ADAMTS16: variants seen among roughly 807,000 people sequenced by gnomAD.
ADAMTS16 encodes ADAM metallopeptidase with thrombospondin type 1 motif 16.
ADAMTS16 carries 94 observed loss-of-function variants against 145.8 expected under a neutral mutation model. The observed-to-expected ratio is 0.64, with a 90% CI of 0.55 to 0.77. The LOEUF is 0.77. Ranked by LOEUF, ADAMTS16 falls within the 30% of genes least tolerant of loss-of-function variation. ADAMTS16 has a pLI of 0.00. For synonymous variants in ADAMTS16, 659 were observed against 604.3 expected (o/e 1.09, Z -1.33); for missense variants, 1,585 against 1,591.5 (o/e 1.00, Z 0.07).
chr5:5,244,371 T>C (rs1223022310), intron 17 of ADAMTS16, among the ~76,000 whole-genome samples: 2 of 152,224 alleles, frequency 1.3e-5, no homozygotes, highest in Non-Finnish European at 2.9e-5. Context: ...TGCCATGTAT[T>C]GAGCACCTAC....
chr5:5,290,808 T>G (rs1231607998), intron 18 of ADAMTS16, among the ~76,000 whole-genome samples: 1 of 152,216 alleles, frequency 6.6e-6, no homozygotes, highest in Non-Finnish European at 1.5e-5. Context: ...AGTCTTTTCT[T>G]TCCCCTTGTA....
At chr5:5,231,433 C>CT (rs11317676) in intron 11 of ADAMTS16, among the ~76,000 whole-genome samples, 4,779 of 148,378 alleles carry the variant, frequency 0.032, 225 homozygotes, top group African/African-American at 0.1. Context: ...TGAAAGTAGC[C>CT]TTTTTTTTTT....
At chr5:5,270,305 T>G (rs1738414093) in intron 18 of ADAMTS16, among the ~76,000 whole-genome samples, 1 of 152,162 alleles carries the variant, frequency 6.6e-6, no homozygotes, top group Non-Finnish European at 1.5e-5. Flanking sequence ...CTGGTTGCCA[T>G]GGGTTATGTC....
chr5:5,262,998 A>G (rs765403783), intron 18 of ADAMTS16, among the ~76,000 whole-genome samples: 7 of 152,234 alleles, frequency 4.6e-5, no homozygotes, highest in Admixed American at 6.5e-5. Context: ...GTAAGTGGAC[A>G]TTCTTAGAAT....
chr5:5,311,454 G>A (rs529226167), intron 21 of ADAMTS16, among the ~76,000 whole-genome samples: 2 of 151,860 alleles, frequency 1.3e-5, no homozygotes, highest in African/African-American at 2.4e-5. Context: ...AAACCAGCTC[G>A]AAATCCCCTC....
intron 14 of ADAMTS16, 128 bp from the exon 15 acceptor site, chr5:5,239,023 G>C: frequency 9.5e-7 from 1 of 1,047,620 alleles, no homozygotes; most frequent in Non-Finnish European, 1.3e-6. Flanking sequence ...ATAAATATTT[G>C]TTAACTACCC....
chr5:5,238,724 A>G (rs1386867221), intron 14 of ADAMTS16, among the ~76,000 whole-genome samples: 1 of 152,222 alleles, frequency 6.6e-6, no homozygotes, highest in African/African-American at 2.4e-5. Context: ...ACTACTGAGG[A>G]GAATTTCTGT....
At position 5,266,027 on chromosome 5, in the gene ADAMTS16, T is replaced by TGA. The variant is rs1553995979; in HGVS notation, c.2789+3245_2789+3246dup. Among the ~76,000 whole-genome samples, 432 of 142,504 alleles carry TGA rather than the reference T, an allele frequency of 3.0e-3. 1 individual carries two copies. Among genetic ancestry groups the TGA allele is most frequent in the African/African-American group, 0.01 (402 of 39,168 alleles). The allele number at this position is 142,504 out of a possible 152,430, so 93.5% of individuals were successfully genotyped here. The stretch of plus-strand genomic sequence containing the variant: ...GTGTGTGTGTGTGTGTGTGTGTGTG[T>TGA]GACTTTCACATGCAGGAGGGACTAG... On this transcript the variant is annotated intron_variant, in intron 18 of 22. Coordinates refer to ENST00000274181, the MANE Select transcript of ADAMTS16 (RefSeq NM_139056.4).
intron 21 of ADAMTS16, among the ~76,000 whole-genome samples, chr5:5,313,224 G>A (rs965398091): frequency 6.6e-6 from 1 of 152,124 alleles, no homozygotes; most frequent in African/African-American, 2.4e-5. Flanking sequence ...GTTTACCATA[G>A]CACTTGTGCC....
chr5:5,311,953 G>A (rs1740467389), intron 21 of ADAMTS16, among the ~76,000 whole-genome samples: 1 of 152,060 alleles, frequency 6.6e-6, no homozygotes. Context: ...TCCTGACCTT[G>A]TAATCCACTC....
intron 21 of ADAMTS16, among the ~76,000 whole-genome samples, chr5:5,315,349 C>G (rs1734010432): frequency 6.6e-6 from 1 of 151,798 alleles, no homozygotes; most frequent in Admixed American, 6.6e-5. Flanking sequence ...GGTGGGGACA[C>G]AGCCAAACCA....
chr5:5,186,711 T>C (rs1466608444), intron 5 of ADAMTS16, among the ~76,000 whole-genome samples: 1 of 152,232 alleles, frequency 6.6e-6, no homozygotes, highest in African/African-American at 2.4e-5. Flanking sequence ...GTGCAACCTT[T>C]TAGAATATCA....
chr5:5,239,405 G>A (rs1006574026), intron 15 of ADAMTS16, 131 bp downstream of exon 15: 18 of 1,364,234 alleles, frequency 1.3e-5, no homozygotes, highest in Non-Finnish European at 1.6e-5. Flanking sequence ...CTCAGCTGGC[G>A]CTTTGCTTCT....
intron 18 of ADAMTS16, among the ~76,000 whole-genome samples, chr5:5,272,643 G>A (rs556913191): frequency 6.6e-6 from 1 of 152,272 alleles, no homozygotes; most frequent in South Asian, 2.1e-4. Flanking sequence ...GGGATTACAG[G>A]CGTGAGCCAC....
intron 18 of ADAMTS16, among the ~76,000 whole-genome samples, chr5:5,287,044 C>A (rs1447591720): frequency 6.6e-6 from 1 of 152,058 alleles, no homozygotes; most frequent in Non-Finnish European, 1.5e-5. Context: ...TTTCAAGGAA[C>A]AGGAGCCAGG....
intron 18 of ADAMTS16, among the ~76,000 whole-genome samples, chr5:5,297,058 G>T (rs1193867532): frequency 6.6e-6 from 1 of 152,170 alleles, no homozygotes; most frequent in African/African-American, 2.4e-5. Context: ...CACTGTTTTG[G>T]AGAGGGGACT....
Position 5,317,652 on chromosome 5 carries a change from C to T in ADAMTS16, c.3412-482C>T, listed in dbSNP as rs1233630152. ...ACCTCAGGTGATCCACCCGCCTCAG[C>T]CTCCCAAAGTGCTGGGATTACAGGC... On this transcript the variant is annotated intron_variant, in intron 21 of 22. Coordinates refer to ENST00000274181, the MANE Select transcript of ADAMTS16 (RefSeq NM_139056.4). This position sits in a 1 kb window ranked among gnomAD's most constrained non-coding sequence, Gnocchi z 4.5. Among the ~76,000 whole-genome samples the T allele has an allele frequency of 2.0e-5, 3 of 152,156 alleles. No homozygotes were observed. The highest frequency in any genetic ancestry group is 7.2e-5 in the African/African-American group (3 of 41,424).
At chr5:5,190,701 G>C (rs1735641510) in intron 7 of ADAMTS16, among the ~76,000 whole-genome samples, 1 of 152,126 alleles carries the variant, frequency 6.6e-6, no homozygotes. Context: ...TTCCTAGGGA[G>C]GAAGGGTTTT....
At position 5,303,665 on chromosome 5, in the gene ADAMTS16, G is replaced by C. The variant is rs1475391920; in HGVS notation, c.3085G>C (p.Val1029Leu). The change falls in exon 20 of 23, where the codon GTC becomes CTC. Residue 1029 changes from valine to leucine, a missense_variant. By Grantham distance (32) the Val-to-Leu change is conservative. Around this residue, in one of 3 missense-constraint regions of ADAMTS16, gnomAD observed 834 missense variants for 811.7 expected, o/e 1.03. Transcript: ENST00000274181. The stretch of plus-strand genomic sequence containing the variant: ...CAGAGCGCAGCTGCTGCCCGACGCT[G>C]TCTGCACCTCCGAGCCCAAGCCCAG... Reference protein sequence around the residue: ...SARAQLLPDAVCTSEPKPRMH... With the variant: ...SARAQLLPDALCTSEPKPRMH... 6.2e-7 allele frequency: 1 copy of C among 1,613,958 alleles called. No homozygotes were observed. The highest frequency in any genetic ancestry group is 8.5e-7 in the Non-Finnish European group (1 of 1,180,038).
Sources: gnomAD v4.1 joint callset for allele counts (sites outside exome capture counted in the v4.1 genomes callset) on GRCh38, gnomAD v4.1.1 for gene constraint, gnomAD v4.1.1 regional missense constraint, Gnocchi (gnomAD v3.1) non-coding constraint, MANE v1.5 for transcripts, NCBI Gene and HGNC (gene_info 2026-07-23, HGNC 2026-07-21) for gene names.